Variants in ARPP21 observed in about 807,000 individuals in gnomAD.
ARPP21 encodes cAMP regulated phosphoprotein 21, also known as cAMP-regulated phosphoprotein 21.
A neutral mutation model predicts 113.2 loss-of-function variants in ARPP21; 69 were observed. The observed-to-expected ratio is 0.61, with a 90% confidence interval of 0.50 to 0.74. ARPP21 has a LOEUF of 0.74. Ranked by LOEUF, ARPP21 falls within the 30% of genes least tolerant of loss-of-function variation. ARPP21 has a pLI of 0.00. For missense variants in ARPP21, 1,070 were observed against 1,037.4 expected (o/e 1.03, Z -0.43); for synonymous variants, 368 against 375.5 (o/e 0.98, Z 0.23).
intron 1 of ARPP21, among the ~76,000 whole-genome samples, chr3:35,660,395 A>G (rs1707149519): frequency 1.3e-5 from 2 of 152,102 alleles, no homozygotes; most frequent in South Asian, 4.1e-4. Flanking sequence ...ATCCTTCCAG[A>G]TGTGAGCAGG....
chr3:35,790,750 A>G (rs1437470201), intron 19 of ARPP21, among the ~76,000 whole-genome samples: 1 of 152,224 alleles, frequency 6.6e-6, no homozygotes, highest in Non-Finnish European at 1.5e-5. Flanking sequence ...TGTGGACAGA[A>G]TGTAGCTCAA....
intron 18 of ARPP21, among the ~76,000 whole-genome samples, chr3:35,740,292 G>T (rs1421973726): frequency 6.6e-6 from 1 of 152,174 alleles, no homozygotes; most frequent in African/African-American, 2.4e-5. Context: ...TTACTGTCAA[G>T]ATATAAAATG....
At chr3:35,676,098 C>T (rs1260479394) in intron 1 of ARPP21, among the ~76,000 whole-genome samples, 2 of 151,886 alleles carry the variant, frequency 1.3e-5, no homozygotes, top group Non-Finnish European at 2.9e-5. Flanking sequence ...TAACATGTCA[C>T]AATGTAGAAC....
chr3:35,716,271 G>A (rs1442631780), intron 12 of ARPP21, among the ~76,000 whole-genome samples: 2 of 152,056 alleles, frequency 1.3e-5, no homozygotes, highest in Non-Finnish European at 1.5e-5. Context: ...TGAAAATGTG[G>A]TATCTATAAA....
chr3:35,779,578 G>T (rs2151697856), intron 19 of ARPP21, among the ~76,000 whole-genome samples: 1 of 124,504 alleles, frequency 8.0e-6, no homozygotes, highest in Non-Finnish European at 1.7e-5. Flanking sequence ...TGTAGGCTTA[G>T]TGAGGGTCAA....
intron 19 of ARPP21, among the ~76,000 whole-genome samples, chr3:35,790,705 G>A (rs890550941): frequency 6.6e-6 from 1 of 152,110 alleles, no homozygotes; most frequent in East Asian, 1.9e-4. Context: ...AAATAGACCT[G>A]CCAAGCATAT....
chr3:35,674,300 T>C (rs2076993439), intron 1 of ARPP21, among the ~76,000 whole-genome samples: 1 of 151,922 alleles, frequency 6.6e-6, no homozygotes, highest in Non-Finnish European at 1.5e-5. Flanking sequence ...ATTAAGAACA[T>C]TTTTGTCTTA....
intron 9 of ARPP21, among the ~76,000 whole-genome samples, chr3:35,692,371 T>G (rs2082483185): frequency 6.6e-6 from 1 of 151,696 alleles, no homozygotes; most frequent in Non-Finnish European, 1.5e-5. Context: ...CAATACTCTT[T>G]GTTGTTGTTG....
intron 9 of ARPP21, among the ~76,000 whole-genome samples, chr3:35,691,318 C>T (rs2082169014): frequency 6.6e-6 from 1 of 151,582 alleles, no homozygotes; most frequent in Admixed American, 6.6e-5. Context: ...CAAAATATAA[C>T]TTAAATTAAA....
intron 9 of ARPP21, among the ~76,000 whole-genome samples, chr3:35,700,273 T>C (rs1475831935): frequency 6.6e-6 from 1 of 151,810 alleles, no homozygotes; most frequent in Non-Finnish European, 1.5e-5. Flanking sequence ...AAAGACGTAA[T>C]TGTTTTTAGG....
At chr3:35,647,602 TA>T (rs961156350) in intron 1 of ARPP21, among the ~76,000 whole-genome samples, 1 of 152,176 alleles carries the variant, frequency 6.6e-6, no homozygotes, top group African/African-American at 2.4e-5. Context: ...AAATAAGGGC[TA>T]AAAGTGGTGT....
At chr3:35,709,622 C>T (rs75602724) in intron 11 of ARPP21, among the ~76,000 whole-genome samples, 13 of 151,810 alleles carry the variant, frequency 8.6e-5, no homozygotes, top group East Asian at 3.9e-4. Flanking sequence ...AAAACAAATC[C>T]GAACAACAAA....
intron 9 of ARPP21, among the ~76,000 whole-genome samples, chr3:35,701,553 T>G (rs1263621084): frequency 6.6e-6 from 1 of 151,712 alleles, no homozygotes; most frequent in Non-Finnish European, 1.5e-5. Context: ...TTACTTTCCC[T>G]TTTTAAAACT....
intron 19 of ARPP21, among the ~76,000 whole-genome samples, chr3:35,766,216 T>C (rs946479652): frequency 6.6e-6 from 1 of 152,144 alleles, no homozygotes; most frequent in Admixed American, 6.6e-5. Flanking sequence ...TTGAATTCTA[T>C]TCATTTGGTT....
chr3:35,642,234 A>G (rs1698335525), intron 1 of ARPP21: 2 of 152,130 alleles, frequency 1.3e-5, no homozygotes, highest in South Asian at 4.1e-4. Flanking sequence ...GAGTATGGTT[A>G]CCTTGAGAAC....
chr3:35,651,607 C>A (rs1429743166), intron 1 of ARPP21: 1 of 152,020 alleles, frequency 6.6e-6, no homozygotes, highest in Non-Finnish European at 1.5e-5. Context: ...GGGCTCAGAT[C>A]CAACTCTGCA....
intron 15 of ARPP21, among the ~76,000 whole-genome samples, chr3:35,734,670 C>T (rs900922961): frequency 6.6e-6 from 1 of 152,218 alleles, no homozygotes; most frequent in East Asian, 1.9e-4. Flanking sequence ...ATGGGAAATA[C>T]TAACCTCTGG....
At chr3:35,670,791 C>A (rs1427979660) in intron 1 of ARPP21, among the ~76,000 whole-genome samples, 1 of 152,106 alleles carries the variant, frequency 6.6e-6, no homozygotes, top group African/African-American at 2.4e-5. Flanking sequence ...AAAATGTTTT[C>A]CTCCCAGGAA....
At chr3:35,731,392 A>C (rs906061434) in intron 15 of ARPP21, among the ~76,000 whole-genome samples, 7 of 152,188 alleles carry the variant, frequency 4.6e-5, no homozygotes, top group Non-Finnish European at 1.0e-4. Flanking sequence ...CCAGCTAAGG[A>C]AAAGGATTTA....
Sources: gnomAD v4.1 joint callset for allele counts (sites outside exome capture counted in the v4.1 genomes callset) on GRCh38, gnomAD v4.1.1 for gene constraint, MANE v1.5 for transcripts, NCBI Gene and HGNC (gene_info 2026-07-23, HGNC 2026-07-21) for gene names.